The following HNF4A variants were observed in gnomAD, a reference collection of about 807,000 sequenced individuals.
The protein encoded by HNF4A is hepatocyte nuclear factor 4-alpha.
HNF4A carries 15 observed loss-of-function variants against 52.4 expected under a neutral mutation model. The ratio of observed to expected loss-of-function variants is 0.29; its 90% confidence interval spans 0.19 to 0.44. HNF4A has a LOEUF of 0.44. HNF4A is among the 20% of genes least tolerant of loss of function. The pLI is 1.00. For missense variants in HNF4A, 479 were observed against 647.2 expected (o/e 0.74, Z 2.82); for synonymous variants, 280 against 264.4 (o/e 1.06, Z -0.57).
intron 2 of HNF4A, among the ~76,000 whole-genome samples, chr20:44,406,960 A>C (rs181560299): frequency 6.6e-6 from 1 of 152,172 alleles, no homozygotes; most frequent in South Asian, 2.1e-4. Flanking sequence ...ACGGTGTGGC[A>C]CTGCCTCTAC....
In HNF4A at chr20:44,401,344, C is replaced by T; in HGVS notation, c.-29C>T. On this transcript the variant is annotated 5_prime_UTR_variant, in exon 1 of 10. Coordinates refer to ENST00000316099, the MANE Select transcript of HNF4A (RefSeq NM_000457.6). Reference sequence around the variant, plus strand: ...TTCGGGGTGGGCGCCCAGGGTAGGGCAGGTGGCCGCGGCGTGGAGGCAGGG... The same window carrying T: ...TTCGGGGTGGGCGCCCAGGGTAGGGTAGGTGGCCGCGGCGTGGAGGCAGGG... The T allele has an allele frequency of 6.2e-7, 1 of 1,613,684 alleles. No homozygotes were observed. The highest frequency in any genetic ancestry group is 8.5e-7 in the Non-Finnish European group (1 of 1,179,918).
chr20:44,355,919 A>C, intron 1 of HNF4A, 66 bp downstream of exon 1: 2 of 1,374,374 alleles, frequency 1.5e-6, no homozygotes, highest in African/African-American at 1.4e-5. Flanking sequence ...GCCATGGGAC[A>C]CCTCCCCGTG....
rs1468870860 is a variant in HNF4A at position 44,431,145 on chromosome 20, A to G, written c.*1480A>G. ...AGGAAGTGGCTGAGTCAGGACTTGA[A>G]CCCAGGTCTCCCTGGATCAGAACAG... is the stretch of plus-strand genomic sequence containing the variant. On this transcript the variant is annotated 3_prime_UTR_variant, in exon 10 of 10. Transcript: ENST00000316099. 1 of 152,044 alleles carries G rather than the reference A, an allele frequency of 6.6e-6. No individual in the cohort carries two copies. The highest frequency in any genetic ancestry group is 6.6e-5 in the Admixed American group (1 of 15,248). 9.4% of individuals were successfully genotyped at this position (152,044 alleles called of 1,614,324 possible). A position where few individuals can be genotyped will look rare whatever the true frequency, so the allele number is the denominator to read the frequency against.
intron 1 of HNF4A, among the ~76,000 whole-genome samples, chr20:44,371,123 G>A (rs1441199946): frequency 6.6e-6 from 1 of 152,216 alleles, no homozygotes; most frequent in Non-Finnish European, 1.5e-5. Context: ...AAACCCAGCT[G>A]CCTGCAGGGC....
intron 3 of HNF4A, among the ~76,000 whole-genome samples, chr20:44,408,953 G>C (rs2063542638): frequency 2.0e-5 from 3 of 151,982 alleles, no homozygotes; most frequent in Admixed American, 2.0e-4. Flanking sequence ...GCTTGCTCCA[G>C]GGCCCACTGA....
At chr20:44,383,705 C>T (rs1311875796) in intron 1 of HNF4A, among the ~76,000 whole-genome samples, 3 of 151,838 alleles carry the variant, frequency 2.0e-5, no homozygotes, top group Non-Finnish European at 4.4e-5. Context: ...AGGCACATGC[C>T]ATCATGCCCA....
chr20:44,401,452 A>C lies in HNF4A; in HGVS notation c.80A>C (p.Glu27Ala), dbSNP rs781738246. The C allele has an allele frequency of 3.1e-6, 5 of 1,614,096 alleles. No individual in the cohort carries two copies. Among genetic ancestry groups the C allele is most frequent in the Non-Finnish European group, 1.7e-6 (2 of 1,180,050 alleles). The change falls in exon 1 of 10, where the codon GAA (glutamate) becomes GCA (alanine). Residue 27 changes from glutamate to alanine, a missense_variant. By Grantham distance (107) the Glu-to-Ala change is moderately radical. Transcript: ENST00000316099. ...CTGGACCCAGCCTACACCACCCTGG[A>C]ATTTGAGAATGTGCAGGTGTTGACG...
chr20:44,360,052 G>A (rs1223469006), intron 1 of HNF4A, among the ~76,000 whole-genome samples: 4 of 152,094 alleles, frequency 2.6e-5, no homozygotes, highest in East Asian at 1.9e-4. Flanking sequence ...GCTCATTTCC[G>A]TAAGTACCTC....
chr20:44,373,776 G>A lies in HNF4A; in HGVS notation c.49+17923G>A, dbSNP rs557193674. On this transcript the variant is annotated intron_variant, in intron 1 of 9. Transcript: ENST00000316673. ...ATGATCTCGGCTCACTGCAACCTCC[G>A]CCTCCTGGGTTCAAGCAATTCTCCT... Among the ~76,000 whole-genome samples the A allele has an allele frequency of 1.2e-3, 183 of 151,544 alleles. 1 individual carries two copies. Among genetic ancestry groups the A allele is most frequent in the African/African-American group, 4.3e-3 (179 of 41,256 alleles).
intron 1 of HNF4A, among the ~76,000 whole-genome samples, chr20:44,383,588 C>A (rs1383052312): frequency 1.3e-5 from 2 of 149,106 alleles, no homozygotes; most frequent in African/African-American, 2.5e-5. Context: ...TCTCAACTCT[C>A]TCCCCCAGGC....
At chr20:44,377,751 T>C (rs1284776270) in intron 1 of HNF4A, 2 of 152,140 alleles carry the variant, frequency 1.3e-5, no homozygotes, top group African/African-American at 4.8e-5. Context: ...TCTGTAAATA[T>C]CCTGAGTATA....
At chr20:44,390,410 G>A (rs1161964838) in intron 1 of HNF4A, 2 of 526,280 alleles carry the variant, frequency 3.8e-6, no homozygotes, top group African/African-American at 3.8e-5. Flanking sequence ...CTCTCTAGGA[G>A]CCCCTTGCAG....
chr20:44,368,276 C>T (rs1250970931), intron 1 of HNF4A, among the ~76,000 whole-genome samples: 3 of 146,408 alleles, frequency 2.0e-5, no homozygotes, highest in Non-Finnish European at 4.5e-5. Flanking sequence ...AAACAATTCT[C>T]GTGCCTCAGC....
chr20:44,411,929 C>T (rs6073431), intron 3 of HNF4A, among the ~76,000 whole-genome samples: 79,433 of 151,400 alleles, frequency 0.52, 21,127 homozygotes, highest in Middle Eastern at 0.65. Context: ...TGGTGGCACA[C>T]GCCTATAATC....
intron 9 of HNF4A, among the ~76,000 whole-genome samples, 163 bp from the exon 10 acceptor site, chr20:44,429,360 A>T (rs1031704805): frequency 3.4e-5 from 5 of 147,970 alleles, no homozygotes; most frequent in Admixed American, 6.8e-5. Context: ...GCAATAAAAG[A>T]CCTTAGGGAT....
intron 1 of HNF4A, among the ~76,000 whole-genome samples, chr20:44,382,206 T>C (rs2063162526): frequency 6.6e-6 from 1 of 152,048 alleles, no homozygotes; most frequent in Non-Finnish European, 1.5e-5. Flanking sequence ...GATCTTTGAT[T>C]ATTCTTCAAG....
At chr20:44,420,239 G>A (rs531671343) in intron 7 of HNF4A, among the ~76,000 whole-genome samples, 2 of 152,182 alleles carry the variant, frequency 1.3e-5, no homozygotes, top group South Asian at 2.1e-4. Flanking sequence ...GGCTGAGGCA[G>A]GAGAATTGCT....
chr20:44,365,988 C>T (rs947638601), intron 1 of HNF4A, among the ~76,000 whole-genome samples: 1 of 152,144 alleles, frequency 6.6e-6, no homozygotes, highest in African/African-American at 2.4e-5. Flanking sequence ...GCCTGGGTGA[C>T]ACAGCGTAAT....
intron 4 of HNF4A, 105 bp from the exon 5 acceptor site, chr20:44,414,402 G>T: frequency 6.5e-7 from 1 of 1,537,670 alleles, no homozygotes; most frequent in Non-Finnish European, 9.0e-7. Context: ...CCACTATCCA[G>T]CCCCCTCCCC....
Sources: gnomAD v4.1 joint callset for allele counts (sites outside exome capture counted in the v4.1 genomes callset) on GRCh38, gnomAD v4.1.1 for gene constraint, MANE v1.5 for transcripts, NCBI Gene and HGNC (gene_info 2026-07-23, HGNC 2026-07-21) for gene names.